SBF2: variants seen among roughly 807,000 people sequenced by gnomAD.
The protein encoded by SBF2 is myotubularin-related protein 13.
SBF2 carries 112 observed loss-of-function variants against 225.2 expected under a neutral mutation model. The ratio of observed to expected loss-of-function variants is 0.50; its 90% CI spans 0.43 to 0.58. The LOEUF (loss-of-function observed/expected upper bound fraction) is 0.58. SBF2 is among the 20% of genes least tolerant of loss of function. SBF2 has a pLI of 0.00. For synonymous variants in SBF2, 763 were observed against 773.3 expected (o/e 0.99, Z 0.22); for missense variants, 1,996 against 2,206.2 (o/e 0.90, Z 1.91).
chr11:9,896,800 A>G (rs1861300187), intron 16 of SBF2, among the ~76,000 whole-genome samples: 1 of 151,276 alleles, frequency 6.6e-6, no homozygotes, highest in Non-Finnish European at 1.5e-5. Context: ...AAAAAAAAAA[A>G]AGGGGGGTGG....
At chr11:9,790,111 G>C (rs1391458226) in intron 34 of SBF2, among the ~76,000 whole-genome samples, 1 of 152,210 alleles carries the variant, frequency 6.6e-6, no homozygotes, top group Non-Finnish European at 1.5e-5. Context: ...TGGTGGGGCA[G>C]TTGCCCCGAG....
Position 10,042,796 on chromosome 11 carries a change from T to C in SBF2, c.279+48A>G, listed in dbSNP as rs760791950. On this transcript the variant is annotated intron_variant, in intron 3 of 39. Coordinates refer to ENST00000256190, the MANE Select transcript of SBF2 (RefSeq NM_030962.4). ...AAATATGGCATATAAAAAACATTCC[T>C]AAATGTTGTACCTTCGACTGTACTT... The C allele has an allele frequency of 3.8e-6, 6 of 1,598,736 alleles. No homozygotes were observed. The East Asian group carries it at 1.3e-4, about 36-fold the overall frequency.
At chr11:9,812,080 C>T (rs138076809) in intron 30 of SBF2, among the ~76,000 whole-genome samples, 242 of 151,746 alleles carry the variant, frequency 1.6e-3, no homozygotes, top group African/African-American at 5.7e-3. Context: ...TCCAGTGTGC[C>T]TTTGGTGGGT....
At chr11:9,870,353 A>G (rs1455714947) in intron 17 of SBF2, among the ~76,000 whole-genome samples, 1 of 152,236 alleles carries the variant, frequency 6.6e-6, no homozygotes, top group African/African-American at 2.4e-5. Flanking sequence ...AGAAAATACT[A>G]TATTAAAATT....
intron 3 of SBF2, among the ~76,000 whole-genome samples, chr11:10,040,230 G>C (rs1949601651): frequency 6.6e-6 from 1 of 151,898 alleles, no homozygotes; most frequent in Admixed American, 6.6e-5. Flanking sequence ...GGAGAAATCT[G>C]ACAATCATCT....
At chr11:10,233,499 A>G (rs1477855197) in intron 1 of SBF2, among the ~76,000 whole-genome samples, 1 of 152,024 alleles carries the variant, frequency 6.6e-6, no homozygotes. Context: ...CTCTAAGCTT[A>G]AAAGTATTCA....
intron 32 of SBF2, among the ~76,000 whole-genome samples, chr11:9,798,909 G>A (rs796578478): frequency 3.5e-5 from 5 of 143,526 alleles, no homozygotes; most frequent in African/African-American, 1.3e-4. Flanking sequence ...CCGAGATCGC[G>A]CCACCGCACT....
rs1430926286 is a variant in SBF2 at position 10,178,056 on chromosome 11, G to T, written c.141+15846C>A. Among the ~76,000 whole-genome samples, 10 of 146,828 alleles carry T rather than the reference G, an allele frequency of 6.8e-5. 2 individuals are homozygous for T. Among genetic ancestry groups the T allele is most frequent in the African/African-American group, 2.6e-4 (10 of 39,056 alleles). Reference sequence around the variant, plus strand: ...TAACACCACATATCTACAACTATCTGATCTTTGACAAACCTGAGAAAAACA... The same window carrying T: ...TAACACCACATATCTACAACTATCTTATCTTTGACAAACCTGAGAAAAACA... On this transcript the variant is annotated intron_variant, in intron 2 of 39. Coordinates refer to ENST00000256190, the MANE Select transcript of SBF2 (RefSeq NM_030962.4).
At chr11:10,291,657 A>AACACACACACAC (rs10580039) in intron 1 of SBF2, among the ~76,000 whole-genome samples, 2 of 145,970 alleles carry the variant, frequency 1.4e-5, no homozygotes, top group Non-Finnish European at 3.0e-5. Flanking sequence ...TAATCCACTA[A>AACACACACACAC]ACACACACAC....
intron 26 of SBF2, 140 bp downstream of exon 26, chr11:9,839,358 T>C (rs1008642928): frequency 1.9e-5 from 16 of 846,870 alleles, no homozygotes; most frequent in Non-Finnish European, 2.8e-5. Context: ...AATGAGATGC[T>C]TGCTCGTATC....
At chr11:9,813,287 G>T (rs1482048176) in intron 29 of SBF2, among the ~76,000 whole-genome samples, 1 of 152,130 alleles carries the variant, frequency 6.6e-6, no homozygotes, top group Non-Finnish European at 1.5e-5. Context: ...GAAAGAAATA[G>T]AAATCACTTT....
chr11:9,946,459 T>TA (rs1175712564), intron 16 of SBF2, among the ~76,000 whole-genome samples: 1 of 151,942 alleles, frequency 6.6e-6, no homozygotes, highest in African/African-American at 2.4e-5. Flanking sequence ...CTTTCTTTTT[T>TA]TTTTTTTTGA....
intron 13 of SBF2, among the ~76,000 whole-genome samples, chr11:9,981,039 C>T (rs1946934290): frequency 6.6e-6 from 1 of 152,084 alleles, no homozygotes; most frequent in South Asian, 2.1e-4. Flanking sequence ...AATGGAATAA[C>T]ATAAAGAAAC....
rs184260202 is a variant in SBF2, at chr11:10,006,610, G to C, written c.620-3921C>G. On this transcript the variant is annotated intron_variant, in intron 6 of 39. Transcript: ENST00000256190. ...TACATCAAGCCCTAAGTCCTCCAGA[G>C]GTTACCACTTTATGTTAAGAAGACA... Among the ~76,000 whole-genome samples the C allele has an allele frequency of 2.6e-5, 4 of 152,222 alleles. No individual in the cohort carries two copies. In the East Asian group the frequency reaches 7.7e-4, roughly 29 times the overall value.
At chr11:9,842,865 TC>T in intron 24 of SBF2, 95 bp from the exon 25 acceptor site, 1 of 1,264,642 alleles carries the variant, frequency 7.9e-7, no homozygotes, top group South Asian at 1.3e-5. Context: ...TCTTCTCCTT[TC>T]CCACAGCCAC....
At chr11:9,984,726 G>A (rs1277477692) in intron 13 of SBF2, among the ~76,000 whole-genome samples, 1 of 152,196 alleles carries the variant, frequency 6.6e-6, no homozygotes, top group East Asian at 1.9e-4. Flanking sequence ...ATTAACAGCA[G>A]ATTTCTCAGC....
At chr11:10,063,327 AATATATAT>A (rs149369410) in intron 2 of SBF2, among the ~76,000 whole-genome samples, 1 of 88,106 alleles carries the variant, frequency 1.1e-5, no homozygotes, top group Non-Finnish European at 2.9e-5. Flanking sequence ...AAGTAAAAAA[AATATATAT>A]ATATATATAT....
intron 3 of SBF2, among the ~76,000 whole-genome samples, chr11:10,039,845 ATCTG>A (rs989700934): frequency 6.6e-6 from 1 of 151,940 alleles, no homozygotes; most frequent in African/African-American, 2.4e-5. Flanking sequence ...GAACACAGGA[ATCTG>A]TCTGAGTGGT....
chr11:9,853,225 C>T (rs1857083985), intron 20 of SBF2, among the ~76,000 whole-genome samples: 1 of 152,130 alleles, frequency 6.6e-6, no homozygotes, highest in Non-Finnish European at 1.5e-5. Context: ...ACAGAAAATA[C>T]ATTAGAAGTT....
Sources: allele counts gnomAD v4.1 joint callset (sites outside exome capture counted in the v4.1 genomes callset), GRCh38; gene constraint gnomAD v4.1.1; transcripts MANE v1.5; gene names NCBI Gene and HGNC (gene_info 2026-07-23, HGNC 2026-07-21).